SPATA7: variants seen among roughly 807,000 people sequenced by gnomAD.
The protein encoded by SPATA7 is spermatogenesis associated 7, also known as spermatogenesis-associated protein 7.
SPATA7 carries 43 observed loss-of-function variants against 51.8 expected under a neutral mutation model. The ratio of observed to expected loss-of-function variants is 0.83; its 90% CI spans 0.65 to 1.07. The LOEUF (loss-of-function observed/expected upper bound fraction) is 1.07, where lower values mean the gene tolerates loss of function less well. Ranked by LOEUF, SPATA7 falls within the 50% of genes least tolerant of loss-of-function variation. The pLI is 0.00. For missense variants in SPATA7, 683 were observed against 701.3 expected, an observed-to-expected ratio of 0.97 and a Z score of 0.30; for synonymous variants, 230 against 252.8, an observed-to-expected ratio of 0.91 and a Z score of 0.86.
chr14:88,404,669 A>T (rs2076157770), intron 4 of SPATA7, among the ~76,000 whole-genome samples: 1 of 152,210 alleles, frequency 6.6e-6, no homozygotes, highest in Non-Finnish European at 1.5e-5. Flanking sequence ...GTGAGCCAAG[A>T]TCATGCCATT....
At chr14:88,438,523 C>A, downstream of SPATA7, 1 of 973,726 alleles carries the variant, frequency 1.0e-6, no homozygotes, top group Non-Finnish European at 1.6e-6. Flanking sequence ...TTCTGTGCTG[C>A]AATAATAAGT....
chr14:88,390,554 G>A (rs568439125), intron 1 of SPATA7, among the ~76,000 whole-genome samples: 8 of 152,244 alleles, frequency 5.3e-5, no homozygotes, highest in East Asian at 3.9e-4. Context: ...GACTTGGATC[G>A]CATAGCATTG....
intron 1 of SPATA7, 93 bp downstream of exon 1, chr14:88,385,930 C>T (rs1438785020): frequency 9.3e-6 from 13 of 1,395,866 alleles, no homozygotes; most frequent in Non-Finnish European, 1.0e-5. Flanking sequence ...TGCAAGGCCG[C>T]CCCTTGGGGC....
chr14:88,457,791 C>A (rs1412625095), downstream of SPATA7, among the ~76,000 whole-genome samples: 3 of 152,210 alleles, frequency 2.0e-5, no homozygotes, highest in Admixed American at 2.0e-4. Context: ...GAGAGGGCAT[C>A]TTTGTCTTGT....
chr14:88,422,231 G>C (rs1033824857), intron 5 of SPATA7, among the ~76,000 whole-genome samples: 1 of 149,494 alleles, frequency 6.7e-6, no homozygotes, highest in Admixed American at 6.6e-5. Context: ...TCAGCAAAGA[G>C]GTCTGGGCTG....
intron 3 of SPATA7, among the ~76,000 whole-genome samples, chr14:88,446,365 C>G (rs895998659): frequency 6.6e-6 from 1 of 151,978 alleles, no homozygotes; most frequent in Non-Finnish European, 1.5e-5. Flanking sequence ...CTATTTGATT[C>G]TTCTCTCTTT....
In SPATA7 at chr14:88,435,536, T is replaced by C. The variant is rs1482629552; in HGVS notation, c.1161-2007T>C. 3.9e-5 allele frequency among the ~76,000 whole-genome samples: 6 copies of C among 152,170 alleles called. No homozygotes were observed. The East Asian group carries it at 1.2e-3, about 29-fold the overall frequency. Reference sequence around the variant, plus strand: ...CAAATGGTCTTATTCATTCTTTCTATGTTTTTGTACCCATTAACTACCCCA... The same window carrying C: ...CAAATGGTCTTATTCATTCTTTCTACGTTTTTGTACCCATTAACTACCCCA... On this transcript the variant is annotated intron_variant, in intron 10 of 11. Transcript: ENST00000393545.
chr14:88,408,246 G>A (rs1870742194), intron 4 of SPATA7, among the ~76,000 whole-genome samples: 2 of 152,184 alleles, frequency 1.3e-5, no homozygotes, highest in Non-Finnish European at 2.9e-5. Flanking sequence ...CCATGAGCAT[G>A]TAATGGTTTT....
At chr14:88,470,218 T>C (rs774107195) in exon 5 of SPATA7, 7 of 644,646 alleles carry the variant, frequency 1.1e-5, no homozygotes, top group Admixed American at 9.0e-5. Flanking sequence ...ATCTTTTCCC[T>C]TGTGAATACA....
intron 1 of SPATA7, among the ~76,000 whole-genome samples, chr14:88,389,968 A>G (rs1170445223): frequency 6.6e-6 from 1 of 152,206 alleles, no homozygotes; most frequent in Non-Finnish European, 1.5e-5. Flanking sequence ...TGAGCAGTTT[A>G]TATTGGTCAA....
At chr14:88,447,502 A>T (rs905153919) in intron 3 of SPATA7, among the ~76,000 whole-genome samples, 9 of 151,970 alleles carry the variant, frequency 5.9e-5, no homozygotes, top group Admixed American at 4.6e-4. Context: ...TTAATATTGT[A>T]ATGTGTGAAT....
Position 88,429,465 on chromosome 14 carries a change from T to C in SPATA7, c.1028+2T>C. On this transcript the variant is annotated splice_donor_variant, in intron 8 of 11. Transcript: ENST00000393545. LOFTEE classifies it high-confidence loss of function. ...TGCTCTTCAGCATTCCTCACCAAGG[T>C]AAACAGTTCACAGGAGAAATAATTT... is the stretch of plus-strand genomic sequence containing the variant. 1 of 1,576,038 alleles carries C rather than the reference T, an allele frequency of 6.3e-7. No homozygotes were observed. The highest frequency in any genetic ancestry group is 8.7e-7 in the Non-Finnish European group (1 of 1,145,742).
At chr14:88,395,964 A>G (rs2075867652) in intron 3 of SPATA7, among the ~76,000 whole-genome samples, 192 bp from the exon 4 acceptor site, 1 of 152,094 alleles carries the variant, frequency 6.6e-6, no homozygotes, top group Non-Finnish European at 1.5e-5. Context: ...CAAGTTCACT[A>G]GTATTTTCTT....
At position 88,426,559 on chromosome 14, in the gene SPATA7, T is replaced by C; in HGVS notation, c.700T>C (p.Ser234Pro). 1 of 1,614,182 alleles carries C rather than the reference T, an allele frequency of 6.2e-7. No individual in the cohort carries two copies. The highest frequency in any genetic ancestry group is 8.5e-7 in the Non-Finnish European group (1 of 1,180,018). The change falls in exon 6 of 12, where the codon TCT (serine) becomes CCT (proline). Residue 234 changes from serine (S) to proline (P), a missense_variant. Ser to Pro is a moderately conservative substitution (Grantham distance 74). Transcript: ENST00000393545. Reference protein sequence around the residue: ...DLLDKHSELFSNKQLPFTPRT... With the variant: ...DLLDKHSELFPNKQLPFTPRT... ...TTTGGATAAACATTCTGAACTCTTT[T>C]CTAACAAACAATTGCCATTCACTCC...
intron 1 of SPATA7, among the ~76,000 whole-genome samples, chr14:88,386,720 T>G (rs575800387): frequency 4.5e-4 from 68 of 152,308 alleles, no homozygotes; most frequent in African/African-American, 1.6e-3. Context: ...AGGCAATCTT[T>G]ATAGACTCCC....
intron 2 of SPATA7, among the ~76,000 whole-genome samples, chr14:88,393,140 A>G (rs59114400): frequency 0.035 from 5,350 of 152,204 alleles, 305 homozygotes; most frequent in African/African-American, 0.12. Context: ...ATGACAGATC[A>G]TATCCTAGAA....
At chr14:88,457,893 T>C (rs2077294538), downstream of SPATA7, among the ~76,000 whole-genome samples, 2 of 152,222 alleles carry the variant, frequency 1.3e-5, no homozygotes, top group African/African-American at 4.8e-5. Flanking sequence ...TATTTTGAGA[T>C]ACATCCCATC....
In SPATA7 at chr14:88,437,874, G is replaced by C. The variant is rs776178227; in HGVS notation, c.1252G>C (p.Asp418His). The change falls in exon 12 of 12, where the codon GAC becomes CAC. Residue 418 changes from aspartate (D) to histidine (H), a missense_variant. Asp to His is a moderately conservative substitution (Grantham distance 81). Transcript: ENST00000393545. ...MRHLLHVLKV[D>H]LGCTSEENSV... ...CCACCTGCTGCATGTCCTGAAAGTA[G>C]ACTTAGGCTGCACATCGGAGGAAAA... The C allele has an allele frequency of 5.9e-5, 95 of 1,608,000 alleles. 1 individual carries two copies. The highest frequency in any genetic ancestry group is 3.3e-4 in the Middle Eastern group (2 of 6,026).
downstream of SPATA7, among the ~76,000 whole-genome samples, chr14:88,455,462 T>C (rs1259465364): frequency 1.3e-5 from 2 of 152,240 alleles, no homozygotes; most frequent in African/African-American, 4.8e-5. Flanking sequence ...TGCACTGTAA[T>C]GTTCACACAC....
Sources: gnomAD v4.1 joint callset for allele counts (sites outside exome capture counted in the v4.1 genomes callset) on GRCh38, gnomAD v4.1.1 for gene constraint, MANE v1.5 for transcripts, NCBI Gene and HGNC (gene_info 2026-07-23, HGNC 2026-07-21) for gene names.